The following ZFAND3 variants were observed in gnomAD, a reference collection of about 807,000 sequenced individuals.
ZFAND3 encodes the protein AN1-type zinc finger protein 3.
ZFAND3 carries 10 observed loss-of-function variants against 29.6 expected under a neutral mutation model. That is an observed-to-expected ratio of 0.34 (90% CI 0.21 to 0.57). ZFAND3 has a LOEUF of 0.57. Ranked by LOEUF, ZFAND3 falls within the 20% of genes least tolerant of loss-of-function variation. The pLI is 0.86. For missense variants in ZFAND3, 230 were observed against 304.5 expected, an observed-to-expected ratio of 0.76 and a Z score of 1.82; for synonymous variants, 128 against 112.6, an observed-to-expected ratio of 1.14 and a Z score of -0.87.
chr6:38,060,691 T>A (rs963724484), intron 2 of ZFAND3, among the ~76,000 whole-genome samples: 2 of 152,156 alleles, frequency 1.3e-5, no homozygotes, highest in Non-Finnish European at 2.9e-5. Flanking sequence ...CCTCAAGCAG[T>A]CCTCCCGCCT....
At chr6:37,897,733 T>C (rs1459718800) in intron 1 of ZFAND3, among the ~76,000 whole-genome samples, 1 of 152,236 alleles carries the variant, frequency 6.6e-6, no homozygotes, top group East Asian at 1.9e-4. Flanking sequence ...TGATGTCTAC[T>C]GATGTTGAAC....
At chr6:37,953,178 T>C (rs1177156813) in intron 2 of ZFAND3, among the ~76,000 whole-genome samples, 1 of 152,056 alleles carries the variant, frequency 6.6e-6, no homozygotes, top group Non-Finnish European at 1.5e-5. Context: ...TAGTTTTCTA[T>C]TTGTCCCATC....
At chr6:37,999,405 A>C (rs1762906179) in intron 2 of ZFAND3, among the ~76,000 whole-genome samples, 1 of 152,198 alleles carries the variant, frequency 6.6e-6, no homozygotes, top group South Asian at 2.1e-4. Context: ...CTGTTCCTTA[A>C]GTGTGGGCTG....
At chr6:38,051,823 G>T (rs1045484552) in intron 2 of ZFAND3, among the ~76,000 whole-genome samples, 1 of 152,198 alleles carries the variant, frequency 6.6e-6, no homozygotes, top group Non-Finnish European at 1.5e-5. Context: ...TGAGGTAAAT[G>T]TACATGTTAT....
Position 38,003,534 on chromosome 6 carries a change from T to C in ZFAND3, c.113-58059T>C, listed in dbSNP as rs181527141. ...TTTTTTTGAGACGGTGCCTCACTTT[T>C]GTCGCCCAGGCTGGAGTGCATCAGT... is the stretch of plus-strand genomic sequence containing the variant. On this transcript the variant is annotated intron_variant, in intron 2 of 5. Transcript: ENST00000287218. Among the ~76,000 whole-genome samples, 6 of 152,098 alleles carry C rather than the reference T, an allele frequency of 3.9e-5. No homozygotes were observed. The East Asian group carries it at 9.7e-4, about 24-fold the overall frequency.
chr6:38,129,003 A>G (rs1765690515), intron 5 of ZFAND3, among the ~76,000 whole-genome samples: 1 of 152,122 alleles, frequency 6.6e-6, no homozygotes, highest in Non-Finnish European at 1.5e-5. Flanking sequence ...TTATGTTTTG[A>G]TTTTTTGATT....
At chr6:37,940,304 G>C (rs563554443) in intron 2 of ZFAND3, among the ~76,000 whole-genome samples, 229 of 152,304 alleles carry the variant, frequency 1.5e-3, no homozygotes, top group African/African-American at 5.2e-3. Context: ...GTGTGAATTA[G>C]AAGATTATGA....
intron 2 of ZFAND3, among the ~76,000 whole-genome samples, chr6:37,966,665 C>G (rs1347921733): frequency 6.6e-6 from 1 of 152,060 alleles, no homozygotes; most frequent in Non-Finnish European, 1.5e-5. Flanking sequence ...GCTTGATGCT[C>G]TATCACTCCC....
rs548771901 is a variant in ZFAND3, at chr6:38,141,450, TC to T, written c.530-10782del. Reference sequence around the variant, plus strand: ...CTGATGTCCTTGGAAAGTTTCCGTGTCCCTTTCATGGTGTCCCTAACCACTG... The same window carrying T: ...CTGATGTCCTTGGAAAGTTTCCGTGTCCTTTCATGGTGTCCCTAACCACTG... On this transcript the variant is annotated intron_variant, in intron 5 of 5. Coordinates refer to ENST00000287218, the MANE Select transcript of ZFAND3 (RefSeq NM_021943.3). Among the ~76,000 whole-genome samples the T allele has an allele frequency of 1.5e-3, 233 of 152,354 alleles. 1 individual carries two copies. The highest frequency in any genetic ancestry group is 4.7e-3 in the African/African-American group (195 of 41,582).
At chr6:37,932,778 C>T (rs1286813954) in intron 2 of ZFAND3, among the ~76,000 whole-genome samples, 4 of 152,160 alleles carry the variant, frequency 2.6e-5, no homozygotes, top group Non-Finnish European at 4.4e-5. Context: ...TTATCTGTCT[C>T]GTGATCTGTG....
chr6:37,837,753 A>T (rs1313225838), intron 1 of ZFAND3, among the ~76,000 whole-genome samples: 1 of 152,048 alleles, frequency 6.6e-6, no homozygotes, highest in East Asian at 1.9e-4. Context: ...TGATCCGCCC[A>T]CCTCAGCCTC....
intron 2 of ZFAND3, among the ~76,000 whole-genome samples, chr6:37,956,148 G>A (rs570967544): frequency 1.4e-4 from 21 of 152,168 alleles, no homozygotes; most frequent in Non-Finnish European, 2.9e-4. Context: ...CACATAGCTA[G>A]TATTCATTAA....
intron 5 of ZFAND3, among the ~76,000 whole-genome samples, chr6:38,134,914 A>G (rs35549511): frequency 0.076 from 11,555 of 152,274 alleles, 523 homozygotes; most frequent in African/African-American, 0.13. Flanking sequence ...TTTGGAGAGC[A>G]TTGCCATCTT....
chr6:37,914,753 G>A (rs1407291334), intron 1 of ZFAND3, among the ~76,000 whole-genome samples: 2 of 143,982 alleles, frequency 1.4e-5, no homozygotes, highest in African/African-American at 2.6e-5. Flanking sequence ...TGCCTGCCTC[G>A]GCCTCCCAAA....
At chr6:37,967,236 C>T (rs1350657382) in intron 2 of ZFAND3, among the ~76,000 whole-genome samples, 1 of 152,144 alleles carries the variant, frequency 6.6e-6, no homozygotes, top group Non-Finnish European at 1.5e-5. Context: ...CTCATGGTTT[C>T]CTATTTTATT....
At chr6:37,858,466 A>G (rs1391142706) in intron 1 of ZFAND3, among the ~76,000 whole-genome samples, 1 of 152,232 alleles carries the variant, frequency 6.6e-6, no homozygotes, top group Non-Finnish European at 1.5e-5. Flanking sequence ...CTGTGGAGTA[A>G]TAGAGCTTTG....
intron 5 of ZFAND3, among the ~76,000 whole-genome samples, chr6:38,139,144 C>T: frequency 6.6e-6 from 1 of 152,108 alleles, no homozygotes. Flanking sequence ...GAAAAGTGGA[C>T]AAATGCTGTA....
intron 2 of ZFAND3, among the ~76,000 whole-genome samples, chr6:37,966,713 C>A (rs778938465): frequency 8.5e-5 from 13 of 152,080 alleles, no homozygotes; most frequent in Non-Finnish European, 1.5e-4. Context: ...GAACACTTTT[C>A]TTTGTAACTA....
intron 5 of ZFAND3, among the ~76,000 whole-genome samples, chr6:38,136,029 AGAAATGTCTG>A (rs1562012616): frequency 1.3e-5 from 2 of 152,212 alleles, no homozygotes; most frequent in Non-Finnish European, 2.9e-5. Context: ...GAGAAGGACT[AGAAATGTCTG>A]GAAATGGAGG....
Sources: allele counts gnomAD v4.1 joint callset (sites outside exome capture counted in the v4.1 genomes callset), GRCh38; gene constraint gnomAD v4.1.1; transcripts MANE v1.5; gene names NCBI Gene and HGNC (gene_info 2026-07-23, HGNC 2026-07-21).